The following ERN1 variants were observed in gnomAD, a reference collection of about 807,000 sequenced individuals.
ERN1 encodes the protein serine/threonine-protein kinase/endoribonuclease IRE1.
ERN1 carries 39 observed loss-of-function variants against 113.1 expected under a neutral mutation model. The ratio of observed to expected loss-of-function variants is 0.34; its 90% CI spans 0.27 to 0.45. The LOEUF (loss-of-function observed/expected upper bound fraction) is 0.45. ERN1 is among the 20% of genes least tolerant of loss of function. ERN1 has a pLI of 1.00. For missense variants in ERN1, 976 were observed against 1,274.8 expected, an observed-to-expected ratio of 0.77 and a Z score of 3.57; for synonymous variants, 507 against 515.9, an observed-to-expected ratio of 0.98 and a Z score of 0.23.
rs377351518 is a variant in ERN1, at chr17:64,080,783, A to G, written c.201T>C (p.His67=). The change falls in exon 3 of 22, where the codon CAT becomes CAC. Residue 67 remains histidine, a synonymous_variant. Transcript: ENST00000433197. ...KEDPVLQVPT[H]VEEPAFLPDP... ...CGAATCAGAAAACTTACTCTTCCAC[A>G]TGTGTTGGGACCTGCAGGACTGGAT... 9 of 1,610,626 alleles carry G rather than the reference A, an allele frequency of 5.6e-6. No individual in the cohort carries two copies. The African/African-American group carries it at 1.1e-4, about 19-fold the overall frequency.
chr17:64,068,459 A>C (rs1022095469), intron 6 of ERN1, among the ~76,000 whole-genome samples, 168 bp from the exon 7 acceptor site: 1 of 152,252 alleles, frequency 6.6e-6, no homozygotes, highest in Non-Finnish European at 1.5e-5. Flanking sequence ...CTGAAGGCCC[A>C]GACACATGAG....
chr17:64,103,507 A>G (rs1914442351), intron 1 of ERN1, among the ~76,000 whole-genome samples: 1 of 151,906 alleles, frequency 6.6e-6, no homozygotes, highest in African/African-American at 2.4e-5. Context: ...AAAAAAAAAA[A>G]AAAAAAAGCA....
chr17:64,074,779 T>A (rs1913534679), intron 5 of ERN1, among the ~76,000 whole-genome samples: 1 of 152,228 alleles, frequency 6.6e-6, no homozygotes, highest in African/African-American at 2.4e-5. Context: ...TGCTGTTCTA[T>A]CAAACATTCT....
intron 1 of ERN1, among the ~76,000 whole-genome samples, chr17:64,111,046 G>A (rs1428169233): frequency 6.6e-6 from 1 of 152,198 alleles, no homozygotes; most frequent in African/African-American, 2.4e-5. Flanking sequence ...TCAAAGAGGA[G>A]GCCTTTCCAG....
chr17:64,047,770 T>C (rs1433740269), intron 19 of ERN1, 88 bp downstream of exon 19: 1 of 1,285,264 alleles, frequency 7.8e-7, no homozygotes, highest in Admixed American at 2.4e-5. Flanking sequence ...TAATGGGCAA[T>C]TTATTTTATT....
intron 2 of ERN1, among the ~76,000 whole-genome samples, chr17:64,097,037 A>T (rs754712774): frequency 6.6e-6 from 1 of 152,220 alleles, no homozygotes; most frequent in Non-Finnish European, 1.5e-5. Flanking sequence ...AAAAACATTA[A>T]AAGGCTTAAA....
At chr17:64,067,578 T>A (rs1913273973) in intron 7 of ERN1, among the ~76,000 whole-genome samples, 1 of 148,148 alleles carries the variant, frequency 6.8e-6, no homozygotes, top group African/African-American at 2.5e-5. Context: ...CCTGCACACA[T>A]CCTGGGGAAC....
chr17:64,064,823 G>A (rs151282182), intron 9 of ERN1, among the ~76,000 whole-genome samples: 76 of 152,234 alleles, frequency 5.0e-4, no homozygotes, highest in African/African-American at 1.7e-3. Context: ...CAAAGGCCCC[G>A]GGGAAAGATG....
chr17:64,045,568 C>G, intron 19 of ERN1, 86 bp from the exon 20 acceptor site: 3 of 1,569,220 alleles, frequency 1.9e-6, no homozygotes, highest in Non-Finnish European at 2.6e-6. Context: ...CAGATCATCA[C>G]TGACACATAA....
In ERN1 at chr17:64,041,679, G is replaced by T. The variant is rs899935395; in HGVS notation, c.*2309C>A. The T allele has an allele frequency of 6.6e-6, 1 of 152,126 alleles. No homozygotes were observed. The highest frequency in any genetic ancestry group is 1.5e-5 in the Non-Finnish European group (1 of 68,024). The allele number at this position is 152,126 out of a possible 1,614,324, so 9.4% of individuals were successfully genotyped here. A position where few individuals can be genotyped will look rare whatever the true frequency, so the allele number is the denominator to read the frequency against. On this transcript the variant is annotated 3_prime_UTR_variant, in exon 22 of 22. Coordinates refer to ENST00000433197, the MANE Select transcript of ERN1 (RefSeq NM_001433.5). Reference sequence around the variant, plus strand: ...CAGAAGAGATGTAAACCGCAAACACGCGCCCTTCCCCACACACTTTGGTTT... The same window carrying T: ...CAGAAGAGATGTAAACCGCAAACACTCGCCCTTCCCCACACACTTTGGTTT...
intron 8 of ERN1, among the ~76,000 whole-genome samples, chr17:64,065,979 A>T (rs1435130291): frequency 6.6e-6 from 1 of 152,088 alleles, no homozygotes; most frequent in East Asian, 1.9e-4. Flanking sequence ...AATACCTTAC[A>T]TTTGAATGCT....
At position 64,044,776 on chromosome 17, in the gene ERN1, A is replaced by C. The variant is rs1290038762; in HGVS notation, c.2721+84T>G. Reference sequence around the variant, plus strand: ...AGATGAGAATGCCAGTACAGATAAAAGATTTATAAAGAATGGATGAAAGGA... The same window carrying C: ...AGATGAGAATGCCAGTACAGATAAACGATTTATAAAGAATGGATGAAAGGA... On this transcript the variant is annotated intron_variant, in intron 21 of 21. Coordinates refer to ENST00000433197, the MANE Select transcript of ERN1 (RefSeq NM_001433.5). This position sits in a 1 kb window ranked among gnomAD's most constrained non-coding sequence, Gnocchi z 4.1. 5.2e-6 allele frequency: 5 copies of C among 956,334 alleles called. No individual in the cohort carries two copies. The East Asian group carries it at 1.3e-4, about 25-fold the overall frequency. The allele number at this position is 956,334 out of a possible 1,614,324, so 59.2% of individuals were successfully genotyped here. A position where few individuals can be genotyped will look rare whatever the true frequency, so the allele number is the denominator to read the frequency against.
At chr17:64,055,621 CAGG>C in intron 13 of ERN1, 51 bp downstream of exon 13, 1 of 1,487,834 alleles carries the variant, frequency 6.7e-7, no homozygotes, top group East Asian at 2.3e-5. Flanking sequence ...TTGGACTTCT[CAGG>C]AGGTGCTCGA....
chr17:64,057,750 C>T lies in ERN1; in HGVS notation c.1398+52G>A. 8 of 1,521,166 alleles carry T rather than the reference C, an allele frequency of 5.3e-6. No individual in the cohort carries two copies. The South Asian group carries it at 9.1e-5, about 17-fold the overall frequency. 94.2% of individuals were successfully genotyped at this position (1,521,166 alleles called of 1,614,324 possible). A position where few individuals can be genotyped will look rare whatever the true frequency, so the allele number is the denominator to read the frequency against. On this transcript the variant is annotated intron_variant, in intron 12 of 21. Transcript: ENST00000433197. Reference sequence around the variant, plus strand: ...GATCTCACTGACATGAGGCGACAGGCAGAGAAGCCCCAGAAATAGGTGGAT... The same window carrying T: ...GATCTCACTGACATGAGGCGACAGGTAGAGAAGCCCCAGAAATAGGTGGAT...
chr17:64,077,729 T>C (rs907193228), intron 4 of ERN1, among the ~76,000 whole-genome samples: 11 of 151,464 alleles, frequency 7.3e-5, no homozygotes, highest in South Asian at 2.1e-4. Context: ...TGTCCATTGG[T>C]GAACAAAAGT....
chr17:64,045,907 G>A (rs886558320), intron 19 of ERN1, among the ~76,000 whole-genome samples: 1 of 152,180 alleles, frequency 6.6e-6, no homozygotes. Flanking sequence ...ATAACTGGTG[G>A]AGGGTCGCCA....
rs1426300173 is a variant in ERN1, at chr17:64,049,562, T to A, written c.2254-360A>T. ...GCCCTCCTGGCTGTTATATATTCCT[T>A]ACCCCCAACACGAAAGTGCTCACAG... On this transcript the variant is annotated intron_variant, in intron 17 of 21. Transcript: ENST00000433197. The surrounding 1 kb of genome is among the most constrained non-coding windows in gnomAD (Gnocchi z 4.7). Among the ~76,000 whole-genome samples, 1 of 152,176 alleles carries A rather than the reference T, an allele frequency of 6.6e-6. No individual in the cohort carries two copies. The highest frequency in any genetic ancestry group is 1.5e-5 in the Non-Finnish European group (1 of 68,034).
chr17:64,086,380 T>C (rs1360904712), intron 2 of ERN1, among the ~76,000 whole-genome samples: 1 of 152,162 alleles, frequency 6.6e-6, no homozygotes, highest in Non-Finnish European at 1.5e-5. Flanking sequence ...TAGATACTCA[T>C]TTGTGCCTGG....
At chr17:64,096,616 A>G (rs1171237057) in intron 2 of ERN1, among the ~76,000 whole-genome samples, 1 of 152,182 alleles carries the variant, frequency 6.6e-6, no homozygotes, top group African/African-American at 2.4e-5. Flanking sequence ...GATGCAAAAA[A>G]GGTTGGGCAC....
Sources: gnomAD v4.1 joint callset for allele counts (sites outside exome capture counted in the v4.1 genomes callset) on GRCh38, gnomAD v4.1.1 for gene constraint, Gnocchi (gnomAD v3.1) non-coding constraint, MANE v1.5 for transcripts, NCBI Gene and HGNC (gene_info 2026-07-23, HGNC 2026-07-21) for gene names.